The following CHST11 variants were observed in gnomAD, a reference collection of about 807,000 sequenced individuals.
CHST11 encodes carbohydrate sulfotransferase 11, also known as C4S-1.
CHST11 carries 9 observed loss-of-function variants against 30.4 expected under a neutral mutation model. That is an observed-to-expected ratio of 0.30 (90% CI 0.18 to 0.52). The LOEUF (loss-of-function observed/expected upper bound fraction) is 0.52, where lower values mean the gene tolerates loss of function less well. Among genes scored for constraint, CHST11 ranks in the 20% least tolerant of loss-of-function variants. The pLI, the probability that CHST11 is intolerant of heterozygous loss-of-function variation, is 0.97. For missense variants in CHST11, 348 were observed against 460.6 expected, an observed-to-expected ratio of 0.76 and a Z score of 2.24; for synonymous variants, 152 against 187.8, an observed-to-expected ratio of 0.81 and a Z score of 1.56.
intron 1 of CHST11, among the ~76,000 whole-genome samples, chr12:104,590,841 G>A (rs891633885): frequency 1.3e-5 from 2 of 151,740 alleles, no homozygotes; most frequent in Admixed American, 6.6e-5. Flanking sequence ...AGAATTGCTC[G>A]AACATGGGAG....
intron 2 of CHST11, among the ~76,000 whole-genome samples, chr12:104,715,633 A>G: frequency 6.6e-6 from 1 of 152,142 alleles, no homozygotes; most frequent in Non-Finnish European, 1.5e-5. Flanking sequence ...GGTAGAGGAA[A>G]TGGACCCAGG....
intron 2 of CHST11, among the ~76,000 whole-genome samples, chr12:104,608,727 T>G (rs2136051734): frequency 6.6e-6 from 1 of 152,350 alleles, no homozygotes; most frequent in African/African-American, 2.4e-5. Flanking sequence ...TTGTTCACTC[T>G]ACGTAGTTTC....
At chr12:104,520,833 C>T (rs1198327319) in intron 1 of CHST11, among the ~76,000 whole-genome samples, 1 of 152,120 alleles carries the variant, frequency 6.6e-6, no homozygotes, top group African/African-American at 2.4e-5. Context: ...CAGCCAGTGG[C>T]GTGTGCAGCC....
chr12:104,495,596 A>G (rs2037791681), intron 1 of CHST11, among the ~76,000 whole-genome samples: 1 of 152,234 alleles, frequency 6.6e-6, no homozygotes, highest in South Asian at 2.1e-4. Flanking sequence ...TAACCAATAC[A>G]TAAATTAGTA....
intron 2 of CHST11, among the ~76,000 whole-genome samples, chr12:104,670,775 C>A (rs1385936861): frequency 6.9e-6 from 1 of 144,098 alleles, no homozygotes; most frequent in Non-Finnish European, 1.5e-5. Context: ...CCAATACACA[C>A]CCACACATAC....
chr12:104,680,837 C>T (rs1014228274), intron 2 of CHST11, among the ~76,000 whole-genome samples: 1 of 152,306 alleles, frequency 6.6e-6, no homozygotes, highest in Non-Finnish European at 1.5e-5. Context: ...CCCCCCTGTT[C>T]CTGCTGTGAG....
intron 2 of CHST11, among the ~76,000 whole-genome samples, chr12:104,752,091 G>A (rs2040436277): frequency 6.6e-6 from 1 of 152,220 alleles, no homozygotes; most frequent in Admixed American, 6.5e-5. Flanking sequence ...AGTCCTGGAA[G>A]CCAGAAGTCT....
chr12:104,732,817 A>G (rs2040268062), intron 2 of CHST11, among the ~76,000 whole-genome samples: 1 of 152,254 alleles, frequency 6.6e-6, no homozygotes, highest in Non-Finnish European at 1.5e-5. Flanking sequence ...CTAATCACTG[A>G]TGAGACCAGA....
In CHST11 at chr12:104,504,231, G is replaced by A. The variant is rs1447042493; in HGVS notation, c.118+46702G>A. On this transcript the variant is annotated intron_variant, in intron 1 of 2. Coordinates refer to ENST00000303694, the MANE Select transcript of CHST11 (RefSeq NM_018413.6). ...TCAGTGCCTCCCATAGTTTTGCAGC[G>A]GCAGAAAAGTCCCATTTCTCCCCGA... Among the ~76,000 whole-genome samples, 6 of 152,190 alleles carry A rather than the reference G, an allele frequency of 3.9e-5. 1 individual carries two copies. In the South Asian group the frequency reaches 6.2e-4, roughly 16 times the overall value.
At chr12:104,595,424 C>A (rs563784846) in intron 1 of CHST11, among the ~76,000 whole-genome samples, 2 of 152,172 alleles carry the variant, frequency 1.3e-5, no homozygotes, top group Non-Finnish European at 2.9e-5. Flanking sequence ...CCACCCACCA[C>A]ACCTTCCACC....
Position 104,729,815 on chromosome 12 carries a change from G to T in CHST11, c.205-27134G>T, listed in dbSNP as rs1000874907. 1.3e-5 allele frequency among the ~76,000 whole-genome samples: 2 copies of T among 152,182 alleles called. No homozygotes were observed. Among genetic ancestry groups the T allele is most frequent in the Admixed American group, 1.3e-4 (2 of 15,282 alleles). ...AGGTTGGGTTTAGAAAAATGAAGAG[G>T]AGGAGCAGCACAGGCCATCTGGATG... On this transcript the variant is annotated intron_variant, in intron 2 of 2. Coordinates refer to ENST00000303694, the MANE Select transcript of CHST11 (RefSeq NM_018413.6). The surrounding 1 kb of genome is among the most constrained non-coding windows in gnomAD (Gnocchi z 4.0).
chr12:104,649,978 A>G (rs930338044), intron 2 of CHST11, among the ~76,000 whole-genome samples: 1 of 152,198 alleles, frequency 6.6e-6, no homozygotes, highest in Non-Finnish European at 1.5e-5. Flanking sequence ...CCCAAAGGGC[A>G]CTCCATCAAT....
chr12:104,731,554 C>G (rs2040258091), intron 2 of CHST11, among the ~76,000 whole-genome samples: 1 of 152,208 alleles, frequency 6.6e-6, no homozygotes. Flanking sequence ...GGCTGTGGCT[C>G]TAAGGCCACA....
At chr12:104,611,100 A>G (rs774011007) in intron 2 of CHST11, among the ~76,000 whole-genome samples, 1 of 152,216 alleles carries the variant, frequency 6.6e-6, no homozygotes, top group East Asian at 1.9e-4. Context: ...TATAAGTCAC[A>G]TATGTCATTT....
intron 2 of CHST11, among the ~76,000 whole-genome samples, chr12:104,633,867 C>A (rs1864023641): frequency 6.6e-6 from 1 of 152,196 alleles, no homozygotes; most frequent in African/African-American, 2.4e-5. Context: ...CTGTCCTCTG[C>A]CACTCCCAGC....
At chr12:104,620,184 C>T (rs1401436812) in intron 2 of CHST11, among the ~76,000 whole-genome samples, 1 of 152,068 alleles carries the variant, frequency 6.6e-6, no homozygotes, top group African/African-American at 2.4e-5. Context: ...CCAAATGGTG[C>T]CCCCCCAACT....
At chr12:104,543,687 G>A (rs1013554949) in intron 1 of CHST11, among the ~76,000 whole-genome samples, 5 of 152,146 alleles carry the variant, frequency 3.3e-5, no homozygotes, top group Non-Finnish European at 7.3e-5. Flanking sequence ...GAGACCTGAC[G>A]ACAGTCACTG....
At chr12:104,623,372 T>C (rs1403828602) in intron 2 of CHST11, among the ~76,000 whole-genome samples, 1 of 152,194 alleles carries the variant, frequency 6.6e-6, no homozygotes, top group Admixed American at 6.5e-5. Context: ...TATTAGTGTT[T>C]TATTGCTGAT....
intron 1 of CHST11, among the ~76,000 whole-genome samples, chr12:104,525,701 T>C (rs988032302): frequency 6.6e-6 from 1 of 152,200 alleles, no homozygotes; most frequent in African/African-American, 2.4e-5. Flanking sequence ...TGATTATTTT[T>C]AAGGGCAAAG....
Sources: allele counts gnomAD v4.1 joint callset (sites outside exome capture counted in the v4.1 genomes callset), GRCh38; gene constraint gnomAD v4.1.1; non-coding constraint Gnocchi (gnomAD v3.1); transcripts MANE v1.5; gene names NCBI Gene and HGNC (gene_info 2026-07-23, HGNC 2026-07-21).